The following PTPRG variants were observed in gnomAD, a reference collection of about 807,000 sequenced individuals.
PTPRG encodes receptor-type tyrosine-protein phosphatase gamma.
Under a neutral mutation model 165.3 loss-of-function variants are expected in PTPRG, and 102 were observed. The observed-to-expected ratio is 0.62, with a 90% CI of 0.53 to 0.73. The LOEUF is 0.73. Ranked by LOEUF, PTPRG falls within the 30% of genes least tolerant of loss-of-function variation. PTPRG has a pLI of 0.00. For synonymous variants in PTPRG, 675 were observed against 669.5 expected (o/e 1.01, Z -0.13); for missense variants, 1,866 against 1,861.4 (o/e 1.00, Z -0.05).
At chr3:61,738,798 A>G (rs922191924) in intron 1 of PTPRG, among the ~76,000 whole-genome samples, 3 of 148,132 alleles carry the variant, frequency 2.0e-5, no homozygotes, top group Non-Finnish European at 3.0e-5. Flanking sequence ...TTTTTGAGAC[A>G]AGGTCTTGCC....
At chr3:62,080,486 G>A (rs748743891) in intron 5 of PTPRG, among the ~76,000 whole-genome samples, 5 of 151,990 alleles carry the variant, frequency 3.3e-5, no homozygotes, top group South Asian at 2.1e-4. Context: ...TTCTGTCATC[G>A]TTCCCTTAGC....
intron 4 of PTPRG, among the ~76,000 whole-genome samples, chr3:62,047,189 G>A (rs185795651): frequency 4.4e-4 from 67 of 152,234 alleles, no homozygotes; most frequent in Middle Eastern, 3.4e-3. Context: ...GTATTTGAAA[G>A]TAGCTTCTAG....
At chr3:61,849,865 G>T (rs1449940986) in intron 2 of PTPRG, among the ~76,000 whole-genome samples, 2 of 152,162 alleles carry the variant, frequency 1.3e-5, no homozygotes, top group African/African-American at 4.8e-5. Flanking sequence ...CTGTTTCTGC[G>T]AAGTCCTGAT....
chr3:61,690,189 T>A (rs972541730), intron 1 of PTPRG, among the ~76,000 whole-genome samples: 1 of 152,210 alleles, frequency 6.6e-6, no homozygotes, highest in Admixed American at 6.5e-5. Flanking sequence ...CAGCTTTCAT[T>A]GCATGCGGCA....
chr3:61,565,447 C>T (rs1198523298), intron 1 of PTPRG, among the ~76,000 whole-genome samples: 2 of 152,160 alleles, frequency 1.3e-5, no homozygotes, highest in Non-Finnish European at 2.9e-5. Context: ...TCATCTCTTC[C>T]TCCCCAACAC....
chr3:61,979,212 C>T (rs867632508), intron 2 of PTPRG, among the ~76,000 whole-genome samples: 1 of 152,062 alleles, frequency 6.6e-6, no homozygotes, highest in Non-Finnish European at 1.5e-5. Context: ...TTGATTTTTC[C>T]TTTTGGTTCA....
chr3:61,781,161 G>A, intron 2 of PTPRG, among the ~76,000 whole-genome samples: 1 of 152,196 alleles, frequency 6.6e-6, no homozygotes, highest in Non-Finnish European at 1.5e-5. Context: ...ATGCCTTGGG[G>A]CTGAATCTAT....
At chr3:61,946,216 C>T (rs768955196) in intron 2 of PTPRG, among the ~76,000 whole-genome samples, 16 of 152,176 alleles carry the variant, frequency 1.1e-4, no homozygotes, top group Non-Finnish European at 1.9e-4. Flanking sequence ...AATAAAATCA[C>T]ACTGGATAAT....
chr3:61,919,444 C>G (rs1467422405), intron 2 of PTPRG, among the ~76,000 whole-genome samples: 2 of 152,202 alleles, frequency 1.3e-5, no homozygotes, highest in African/African-American at 4.8e-5. Flanking sequence ...GTGTGCATCT[C>G]TATGCCTTAG....
chr3:62,152,653 C>T (rs1479290086), intron 6 of PTPRG, among the ~76,000 whole-genome samples: 1 of 152,118 alleles, frequency 6.6e-6, no homozygotes, highest in Non-Finnish European at 1.5e-5. Context: ...GCAAACTGCT[C>T]TTCGACTTGA....
At chr3:61,929,390 G>T (rs988438221) in intron 2 of PTPRG, among the ~76,000 whole-genome samples, 12 of 152,008 alleles carry the variant, frequency 7.9e-5, no homozygotes, top group African/African-American at 2.9e-4. Context: ...TTCTTTAGTG[G>T]CATTCTCTTT....
chr3:62,124,523 A>G (rs982075138), intron 5 of PTPRG: 10 of 1,559,250 alleles, frequency 6.4e-6, no homozygotes, highest in Non-Finnish European at 8.0e-6. Flanking sequence ...CAGGTCATCC[A>G]CCGGGGTTTT....
At chr3:61,748,339 C>T (rs1275211112) in intron 1 of PTPRG, among the ~76,000 whole-genome samples, 1 of 152,144 alleles carries the variant, frequency 6.6e-6, no homozygotes, top group Non-Finnish European at 1.5e-5. Context: ...GACCTGGGGC[C>T]AGTTACTTTG....
chr3:61,605,365 C>G (rs1239451816), intron 1 of PTPRG, among the ~76,000 whole-genome samples: 1 of 151,896 alleles, frequency 6.6e-6, no homozygotes, highest in Admixed American at 6.6e-5. Flanking sequence ...AAGTGATTCT[C>G]CTGCCTCAGC....
intron 1 of PTPRG, among the ~76,000 whole-genome samples, chr3:61,718,841 G>A (rs685896): frequency 0.95 from 143,985 of 152,234 alleles, 68,167 homozygotes; most frequent in African/African-American, 0.96. Context: ...GAAGCATGAA[G>A]TTCAATGCTA....
At chr3:62,282,083 T>TG (rs919484915) in intron 27 of PTPRG, among the ~76,000 whole-genome samples, 9 of 151,994 alleles carry the variant, frequency 5.9e-5, no homozygotes, top group South Asian at 2.1e-4. Flanking sequence ...TGAGTAAGCA[T>TG]GGGGGGGCTC....
chr3:61,930,921 T>A (rs867363856), intron 2 of PTPRG, among the ~76,000 whole-genome samples: 13 of 152,000 alleles, frequency 8.6e-5, no homozygotes, highest in South Asian at 2.1e-4. Context: ...ATACAGAAAT[T>A]AGCCGGGCAT....
chr3:61,912,084 G>T (rs547528850), intron 2 of PTPRG, among the ~76,000 whole-genome samples: 1 of 152,018 alleles, frequency 6.6e-6, no homozygotes, highest in African/African-American at 2.4e-5. Context: ...CGAGTCCTCA[G>T]GATCTTATCT....
chr3:61,832,951 A>G (rs1028742903), intron 2 of PTPRG, among the ~76,000 whole-genome samples: 5 of 152,308 alleles, frequency 3.3e-5, no homozygotes, highest in Non-Finnish European at 5.9e-5. Flanking sequence ...GTGAAAACAT[A>G]TGATGTTTGG....
Sources: allele counts gnomAD v4.1 joint callset (sites outside exome capture counted in the v4.1 genomes callset), GRCh38; gene constraint gnomAD v4.1.1; transcripts MANE v1.5; gene names NCBI Gene and HGNC (gene_info 2026-07-23, HGNC 2026-07-21).